IGLL1: variants seen among roughly 807,000 people sequenced by gnomAD.
The protein encoded by IGLL1 is immunoglobulin lambda like polypeptide 1.
A neutral mutation model predicts 10.5 loss-of-function variants in IGLL1; 10 were observed. The observed-to-expected ratio is 0.95, with a 90% CI of 0.59 to 1.62. IGLL1 has a LOEUF of 1.62. Ranked by LOEUF, IGLL1 falls within the 40% of genes most tolerant of loss-of-function variation. The pLI is 0.00. For synonymous variants in IGLL1, 141 were observed against 122.7 expected, an observed-to-expected ratio of 1.15 and a Z score of -0.99; for missense variants, 284 against 278.7, an observed-to-expected ratio of 1.02 and a Z score of -0.14.
At chr22:23,575,592 A>G (rs761211482) in intron 1 of IGLL1, among the ~76,000 whole-genome samples, 4 of 152,056 alleles carry the variant, frequency 2.6e-5, no homozygotes, top group Non-Finnish European at 5.9e-5. Context: ...CTGTCCATCT[A>G]TGCATCTGTC....
intron 1 of IGLL1, among the ~76,000 whole-genome samples, chr22:23,576,364 A>C (rs1925068643): frequency 6.7e-6 from 1 of 148,886 alleles, no homozygotes; most frequent in Admixed American, 6.7e-5. Flanking sequence ...CTGTCCCAAA[A>C]AAAAAAAAAA....
At chr22:23,575,748 C>A (rs7289599) in intron 1 of IGLL1, among the ~76,000 whole-genome samples, 5,470 of 152,300 alleles carry the variant, frequency 0.036, 297 homozygotes, top group African/African-American at 0.12. Context: ...ACCCCCATCT[C>A]TCCCAGGCCA....
At chr22:23,578,732 A>G (rs1925183839) in intron 1 of IGLL1, among the ~76,000 whole-genome samples, 1 of 152,138 alleles carries the variant, frequency 6.6e-6, no homozygotes, top group African/African-American at 2.4e-5. Context: ...AGGTGGGTGG[A>G]TCACCTGAGG....
intron 1 of IGLL1, among the ~76,000 whole-genome samples, chr22:23,576,899 T>A (rs529816030): frequency 6.6e-6 from 1 of 152,062 alleles, no homozygotes; most frequent in Non-Finnish European, 1.5e-5. Context: ...CAGTCCCCCA[T>A]TCTTCCCTCC....
chr22:23,574,906 GAA>G, intron 2 of IGLL1, 59 bp downstream of exon 2: 1 of 1,200,354 alleles, frequency 8.3e-7, no homozygotes, highest in East Asian at 2.4e-5. Flanking sequence ...CCCAGAGAGA[GAA>G]AACACATTTT....
chr22:23,577,429 AC>A (rs1374529874), intron 1 of IGLL1, among the ~76,000 whole-genome samples: 7 of 152,188 alleles, frequency 4.6e-5, no homozygotes, highest in Admixed American at 3.3e-4. Flanking sequence ...GTGATACACA[AC>A]CTATTTCTTA....
In IGLL1 at chr22:23,573,453, T is replaced by A. The variant is rs937833916; in HGVS notation, c.455A>T (p.Asp152Val). Reference protein sequence around the residue: ...PGILTVTWKADGTPITQGVEM... With the variant: ...PGILTVTWKAVGTPITQGVEM... Reference sequence around the variant, plus strand: ...CACGCCCTGGGTGATGGGGGTACCATCTGCCTTCCAGGTCACCGTCAAGAT... The same window carrying A: ...CACGCCCTGGGTGATGGGGGTACCAACTGCCTTCCAGGTCACCGTCAAGAT... The change falls in exon 3 of 3, where the codon GAT becomes GTT. Residue 152 changes from aspartate (D) to valine (V), a missense_variant. By Grantham distance (152) the Asp-to-Val change is radical (BLOSUM62 -3). Coordinates refer to ENST00000330377, the MANE Select transcript of IGLL1 (RefSeq NM_020070.4). The A allele has an allele frequency of 6.2e-7, 1 of 1,613,860 alleles. No homozygotes were observed. The highest frequency in any genetic ancestry group is 1.3e-5 in the African/African-American group (1 of 74,900).
chr22:23,574,308 G>T (rs866372306), intron 2 of IGLL1, among the ~76,000 whole-genome samples: 2 of 152,106 alleles, frequency 1.3e-5, no homozygotes, highest in African/African-American at 4.8e-5. Flanking sequence ...GTGGGAGGTC[G>T]ACCCATGAAC....
At position 23,575,100 on chromosome 22, in the gene IGLL1, C is replaced by A. The variant is rs942350878; in HGVS notation, c.207-18G>T. 6.4e-7 allele frequency: 1 copy of A among 1,566,084 alleles called. No individual in the cohort carries two copies. The highest frequency in any genetic ancestry group is 8.8e-7 in the Non-Finnish European group (1 of 1,136,400). On this transcript the variant is annotated intron_variant, in intron 1 of 2. Transcript: ENST00000330377. Reference sequence around the variant, plus strand: ...GCAGGAACCTGCTGGGAGTGAGGGGCACAGGGCTGCAGTGTGTAGGCTGTG... The same window carrying A: ...GCAGGAACCTGCTGGGAGTGAGGGGAACAGGGCTGCAGTGTGTAGGCTGTG...
At chr22:23,576,360 CAAAAA>C (rs11455488) in intron 1 of IGLL1, among the ~76,000 whole-genome samples, 2 of 67,120 alleles carry the variant, frequency 3.0e-5, no homozygotes, top group South Asian at 6.0e-4. Flanking sequence ...AAGACTGTCC[CAAAAA>C]AAAAAAAAAA....
At chr22:23,574,879 G>T in intron 2 of IGLL1, 88 bp downstream of exon 2, 3 of 883,252 alleles carry the variant, frequency 3.4e-6, no homozygotes, top group Middle Eastern at 2.3e-4. Context: ...AGGCTGGGAG[G>T]GCAGAGGGGA....
chr22:23,575,575 T>C (rs529253475), intron 1 of IGLL1, among the ~76,000 whole-genome samples: 2 of 152,288 alleles, frequency 1.3e-5, no homozygotes, highest in African/African-American at 4.8e-5. Flanking sequence ...TCCATCCATC[T>C]GTCCATCTGT....
At chr22:23,578,008 C>T (rs373567253) in intron 1 of IGLL1, among the ~76,000 whole-genome samples, 2 of 151,966 alleles carry the variant, frequency 1.3e-5, no homozygotes, top group Admixed American at 6.6e-5. Flanking sequence ...CCTCCCCTCC[C>T]GAGTAGCTGG....
intron 1 of IGLL1, among the ~76,000 whole-genome samples, chr22:23,575,828 C>T (rs1255689011): frequency 2.6e-5 from 4 of 152,288 alleles, no homozygotes; most frequent in South Asian, 4.1e-4. Flanking sequence ...CCGCTGGATG[C>T]GACACAGGGC....
At position 23,580,018 on chromosome 22, in the gene IGLL1, C is replaced by G. The variant is rs761648091; in HGVS notation, c.173G>C (p.Ser58Thr). 1 of 1,585,264 alleles carries G rather than the reference C, an allele frequency of 6.3e-7. No homozygotes were observed. ...RALGPGAPGG[S>T]SRSSLRSRWG... Reference sequence around the variant, plus strand: ...CCGGCTCCTCAGGCTGGACCGGCTGCTTCCTCCAGGGGCTCCAGGGCCCAG... The same window carrying G: ...CCGGCTCCTCAGGCTGGACCGGCTGGTTCCTCCAGGGGCTCCAGGGCCCAG... The change falls in exon 1 of 3, where the codon AGC becomes ACC. Residue 58 changes from serine (S) to threonine (T), a missense_variant. By Grantham distance (58) the Ser-to-Thr change is moderately conservative. Transcript: ENST00000330377.
At position 23,580,138 on chromosome 22, in the gene IGLL1, G is replaced by A. The variant is rs374187217; in HGVS notation, c.53C>T (p.Pro18Leu). The change falls in exon 1 of 3, where the codon CCC becomes CTC. Residue 18 changes from proline to leucine, a missense_variant. Pro to Leu is a moderately conservative substitution (Grantham distance 98, BLOSUM62 -3). Transcript: ENST00000330377. ...CAGGGGCCAGCGCTGCCTGAGGTTG[G>A]GGCCTGGCTCACCAGGGGCCTCAAG... ...GGLEAPGEPG[P>L]NLRQRWPLLL... 5 of 1,558,438 alleles carry A rather than the reference G, an allele frequency of 3.2e-6. No individual in the cohort carries two copies. The highest frequency in any genetic ancestry group is 1.8e-4 in the Middle Eastern group (1 of 5,444).
At chr22:23,575,947 AC>A (rs139482412) in intron 1 of IGLL1, among the ~76,000 whole-genome samples, 2 of 151,348 alleles carry the variant, frequency 1.3e-5, no homozygotes, top group Non-Finnish European at 2.9e-5. Flanking sequence ...GACTCCCCAG[AC>A]CCCACCCAGA....
chr22:23,573,706 C>G, intron 2 of IGLL1, 121 bp from the exon 3 acceptor site: 4 of 714,462 alleles, frequency 5.6e-6, no homozygotes, highest in South Asian at 3.6e-5. Flanking sequence ...CACCCAGGGC[C>G]TCTCCTTCCC....
intron 1 of IGLL1, 78 bp downstream of exon 1, chr22:23,579,907 G>A: frequency 3.2e-6 from 4 of 1,234,408 alleles, no homozygotes; most frequent in Non-Finnish European, 4.5e-6. Flanking sequence ...TCACCCCTCT[G>A]GCTCGTCTCC....
Sources: gnomAD v4.1 joint callset for allele counts (sites outside exome capture counted in the v4.1 genomes callset) on GRCh38, gnomAD v4.1.1 for gene constraint, MANE v1.5 for transcripts, NCBI Gene and HGNC (gene_info 2026-07-23, HGNC 2026-07-21) for gene names.